Variants in CDH12 observed in about 807,000 individuals in gnomAD.
CDH12 encodes cadherin-12.
In CDH12, 41 loss-of-function variants were observed where a neutral mutation model predicts 74.1. That is an observed-to-expected ratio of 0.55 (90% CI 0.43 to 0.72). The LOEUF is 0.72. Among genes scored for constraint, CDH12 ranks in the 30% least tolerant of loss-of-function variants. The probability of loss-of-function intolerance (pLI) is 0.00; values close to 1 mark genes in which losing one functional copy is unlikely to be tolerated. For missense variants in CDH12, 945 were observed against 977.2 expected (o/e 0.97, Z 0.44); for synonymous variants, 399 against 355.0 (o/e 1.12, Z -1.39).
chr5:21,991,216 G>T (rs1757735038), intron 5 of CDH12, among the ~76,000 whole-genome samples: 1 of 151,624 alleles, frequency 6.6e-6, no homozygotes, highest in African/African-American at 2.4e-5. Context: ...ATTTCTCTAT[G>T]GTTGTGCACA....
intron 1 of CDH12, among the ~76,000 whole-genome samples, chr5:22,646,930 A>T (rs1739466112): frequency 1.3e-5 from 2 of 152,096 alleles, no homozygotes; most frequent in South Asian, 4.1e-4. Flanking sequence ...ATTTCAAATA[A>T]GTGATCACTT....
At chr5:22,363,283 T>A (rs1288232421) in intron 3 of CDH12, among the ~76,000 whole-genome samples, 4 of 152,146 alleles carry the variant, frequency 2.6e-5, no homozygotes, top group Non-Finnish European at 5.9e-5. Context: ...GCAAAACAAA[T>A]GAAGAAATGC....
chr5:22,643,762 C>CTTTT (rs1739285702), intron 1 of CDH12, among the ~76,000 whole-genome samples: 1 of 25,412 alleles, frequency 3.9e-5, no homozygotes, highest in African/African-American at 2.1e-4. Context: ...TTTTTTTTTC[C>CTTTT]ACAAATTGAT....
chr5:22,449,555 A>G (rs1222683727), intron 2 of CDH12, among the ~76,000 whole-genome samples: 1 of 152,038 alleles, frequency 6.6e-6, no homozygotes, highest in East Asian at 1.9e-4. Context: ...TTTCTTCCCA[A>G]CGCTACTTTC....
chr5:22,548,531 A>C (rs1738428146), intron 1 of CDH12, among the ~76,000 whole-genome samples: 1 of 152,144 alleles, frequency 6.6e-6, no homozygotes, highest in Admixed American at 6.5e-5. Context: ...ATAACATGAA[A>C]GTTCCCAAAA....
intron 1 of CDH12, among the ~76,000 whole-genome samples, chr5:22,701,546 C>T (rs1167435619): frequency 6.6e-6 from 1 of 152,130 alleles, no homozygotes; most frequent in Admixed American, 6.6e-5. Flanking sequence ...CTTATTGCAA[C>T]TAACACTATG....
chr5:22,488,989 C>G (rs371406314), intron 2 of CDH12, among the ~76,000 whole-genome samples: 1 of 148,876 alleles, frequency 6.7e-6, no homozygotes, highest in Non-Finnish European at 1.5e-5. Flanking sequence ...TCCTGGTACC[C>G]TTATGACAGC....
chr5:22,531,847 A>G (rs1033524786), intron 1 of CDH12, among the ~76,000 whole-genome samples: 2 of 152,094 alleles, frequency 1.3e-5, no homozygotes, highest in African/African-American at 4.8e-5. Context: ...CAAATTCCCT[A>G]TGATTTCCTG....
At chr5:21,835,109 C>T (rs1030470149) in intron 8 of CDH12, among the ~76,000 whole-genome samples, 3 of 151,890 alleles carry the variant, frequency 2.0e-5, no homozygotes, top group Non-Finnish European at 4.4e-5. Flanking sequence ...CTTAACCAGA[C>T]TTTCCAGGAA....
In CDH12 at chr5:21,994,523, C is replaced by T. The variant is rs543244776; in HGVS notation, c.232-19138G>A. Among the ~76,000 whole-genome samples, 27 of 152,222 alleles carry T rather than the reference C, an allele frequency of 1.8e-4. No individual in the cohort carries two copies. The South Asian group carries it at 4.2e-3, about 23-fold the overall frequency. On this transcript the variant is annotated intron_variant, in intron 5 of 14. Transcript: ENST00000382254. Reference sequence around the variant, plus strand: ...CCATGCAACTGGCATTTATTGAATACTCATTGTATTCAAGTTTCACAGATT... The same window carrying T: ...CCATGCAACTGGCATTTATTGAATATTCATTGTATTCAAGTTTCACAGATT...
At chr5:22,844,858 G>A (rs888405944) in intron 1 of CDH12, among the ~76,000 whole-genome samples, 1 of 152,082 alleles carries the variant, frequency 6.6e-6, no homozygotes, top group East Asian at 1.9e-4. Context: ...ATTAAATCTC[G>A]GAGGGCTTTA....
At chr5:22,074,816 G>T (rs527722783) in intron 5 of CDH12, among the ~76,000 whole-genome samples, 1 of 152,238 alleles carries the variant, frequency 6.6e-6, no homozygotes, top group African/African-American at 2.4e-5. Context: ...AACAACAGGT[G>T]CTAGAGATGA....
chr5:22,055,398 T>C (rs1740668103), intron 5 of CDH12, among the ~76,000 whole-genome samples: 1 of 152,182 alleles, frequency 6.6e-6, no homozygotes, highest in South Asian at 2.1e-4. Context: ...AATGGGAGTA[T>C]GTTGAAACCT....
intron 3 of CDH12, among the ~76,000 whole-genome samples, chr5:22,222,567 T>G (rs1035237341): frequency 4.6e-4 from 70 of 152,086 alleles, no homozygotes; most frequent in African/African-American, 1.6e-3. Context: ...ATTGTCATTT[T>G]ATTTTTTATA....
intron 5 of CDH12, among the ~76,000 whole-genome samples, chr5:22,039,351 T>G (rs1013025644): frequency 1.3e-5 from 2 of 151,826 alleles, no homozygotes; most frequent in Non-Finnish European, 2.9e-5. Flanking sequence ...TACTAGGGGG[T>G]GCCTCAGAGT....
At chr5:22,380,301 T>G (rs1442223942) in intron 3 of CDH12, among the ~76,000 whole-genome samples, 1 of 152,204 alleles carries the variant, frequency 6.6e-6, no homozygotes, top group African/African-American at 2.4e-5. Flanking sequence ...ACTAATTATT[T>G]CTTCTGAAAG....
intron 6 of CDH12, among the ~76,000 whole-genome samples, chr5:21,968,179 G>A (rs994550308): frequency 5.3e-5 from 8 of 152,188 alleles, no homozygotes; most frequent in Non-Finnish European, 1.0e-4. Context: ...GACTTTCTCT[G>A]GCTAGTTTTC....
chr5:22,599,420 A>G (rs1023215036), intron 1 of CDH12, among the ~76,000 whole-genome samples: 5 of 152,184 alleles, frequency 3.3e-5, no homozygotes, highest in Admixed American at 2.6e-4. Flanking sequence ...CTAGCCTAGA[A>G]ATAATGCCCT....
intron 3 of CDH12, among the ~76,000 whole-genome samples, chr5:22,315,913 C>A (rs371273316): frequency 7.5e-4 from 113 of 151,324 alleles, no homozygotes; most frequent in Middle Eastern, 3.4e-3. Flanking sequence ...TTTTTTAATT[C>A]TTTTGCAGAC....
Sources: gnomAD v4.1 joint callset for allele counts (sites outside exome capture counted in the v4.1 genomes callset) on GRCh38, gnomAD v4.1.1 for gene constraint, MANE v1.5 for transcripts, NCBI Gene and HGNC (gene_info 2026-07-23, HGNC 2026-07-21) for gene names.